Variants in DNAI7 observed in about 807,000 individuals in gnomAD.
DNAI7 encodes the protein dynein axonemal intermediate chain 7.
DNAI7 carries 78 observed loss-of-function variants against 86.6 expected under a neutral mutation model. The ratio of observed to expected loss-of-function variants is 0.90; its 90% CI spans 0.75 to 1.09. The LOEUF is 1.09. Among genes scored for constraint, DNAI7 ranks in the 50% least tolerant of loss-of-function variants. The pLI is 0.00. For missense variants in DNAI7, 753 were observed against 810.2 expected (o/e 0.93, Z 0.86); for synonymous variants, 274 against 273.0 (o/e 1.00, Z -0.04).
intron 9 of DNAI7, among the ~76,000 whole-genome samples, chr12:25,140,955 T>TG (rs892384612): frequency 6.6e-6 from 1 of 151,898 alleles, no homozygotes; most frequent in African/African-American, 2.4e-5. Flanking sequence ...AAACATAAAG[T>TG]GGGGGAAAGG....
At chr12:25,143,930 AAG>A (rs1944506164) in intron 9 of DNAI7, among the ~76,000 whole-genome samples, 1 of 152,232 alleles carries the variant, frequency 6.6e-6, no homozygotes, top group African/African-American at 2.4e-5. Flanking sequence ...ATTTTCAGAG[AAG>A]AGTGTAATAT....
chr12:25,154,892 T>C (rs1206936496), intron 5 of DNAI7, among the ~76,000 whole-genome samples: 1 of 152,216 alleles, frequency 6.6e-6, no homozygotes, highest in Admixed American at 6.5e-5. Flanking sequence ...TGTAATCATA[T>C]TGTACTGTAC....
chr12:25,183,356 T>C (rs1223307859), intron 2 of DNAI7, among the ~76,000 whole-genome samples: 2 of 151,846 alleles, frequency 1.3e-5, no homozygotes, highest in Non-Finnish European at 2.9e-5. Flanking sequence ...AACAAACCTG[T>C]ACGTGGGTAT....
chr12:25,148,247 C>T (rs922858156), intron 7 of DNAI7, among the ~76,000 whole-genome samples: 9 of 152,142 alleles, frequency 5.9e-5, no homozygotes, highest in South Asian at 2.1e-4. Context: ...TATTTTTGTA[C>T]ACTGGAAGGT....
chr12:25,110,912 G>C (rs1938686671), intron 14 of DNAI7, among the ~76,000 whole-genome samples: 1 of 152,002 alleles, frequency 6.6e-6, no homozygotes, highest in African/African-American at 2.4e-5. Context: ...AGCACACAGT[G>C]TTCAGAAAAA....
At chr12:25,130,590 A>G (rs1942785452) in intron 9 of DNAI7, among the ~76,000 whole-genome samples, 1 of 127,916 alleles carries the variant, frequency 7.8e-6, no homozygotes, top group Non-Finnish European at 1.7e-5. Flanking sequence ...ATAAAATAAA[A>G]TATTTATGTT....
chr12:25,142,580 G>GA (rs1396290764), intron 9 of DNAI7, among the ~76,000 whole-genome samples: 5 of 151,512 alleles, frequency 3.3e-5, no homozygotes, highest in African/African-American at 4.8e-5. Context: ...AGATGCATAA[G>GA]AAAAAAATGC....
rs182224529 is a variant in DNAI7, at chr12:25,118,531, G to A, written c.1396+614C>T. Among the ~76,000 whole-genome samples the A allele has an allele frequency of 3.9e-5, 6 of 152,222 alleles. No individual in the cohort carries two copies. The East Asian group carries it at 9.6e-4, about 24-fold the overall frequency. On this transcript the variant is annotated intron_variant, in intron 12 of 15. Coordinates refer to ENST00000395987, the MANE Select transcript of DNAI7 (RefSeq NM_018272.5). ...ATCTGCCTCGGCCTCCCAAAGTGCT[G>A]AGATTGCAGGCATGAGCCACCACGC...
At chr12:25,154,576 T>C in intron 5 of DNAI7, 120 bp from the exon 6 acceptor site, 1 of 929,044 alleles carries the variant, frequency 1.1e-6, no homozygotes, top group South Asian at 1.6e-5. Flanking sequence ...AAAAACATGA[T>C]GGCTTTAACC....
chr12:25,173,447 AAC>A, intron 2 of DNAI7, among the ~76,000 whole-genome samples: 1 of 152,190 alleles, frequency 6.6e-6, no homozygotes, highest in East Asian at 1.9e-4. Context: ...AATAAAAAGA[AAC>A]ACTAAATGTT....
Position 25,121,745 on chromosome 12 carries a change from C to A in DNAI7, c.1239+8G>T. 1 of 1,587,696 alleles carries A rather than the reference C, an allele frequency of 6.3e-7. No individual in the cohort carries two copies. Among genetic ancestry groups the A allele is most frequent in the South Asian group, 1.2e-5 (1 of 84,954 alleles). ...TACTTATAAGTTTTGATTCAAGAAT[C>A]AACCTACTTCCACAATCATCCATCC... is the stretch of plus-strand genomic sequence containing the variant. On this transcript the variant is annotated splice_region_variant and intron_variant, in intron 11 of 15. Transcript: ENST00000395987.
At chr12:25,166,932 AGCTGTAC>A (rs1404835225) in intron 2 of DNAI7, among the ~76,000 whole-genome samples, 1 of 152,032 alleles carries the variant, frequency 6.6e-6, no homozygotes, top group Non-Finnish European at 1.5e-5. Flanking sequence ...TGGCTCCTTC[AGCTGTAC>A]TCACTTCTTG....
At chr12:25,111,634 C>A in intron 14 of DNAI7, 138 bp downstream of exon 14, 1 of 364,368 alleles carries the variant, frequency 2.7e-6, no homozygotes, top group Non-Finnish European at 4.1e-6. Context: ...GATTTCTGGT[C>A]TTTTCACTTA....
Position 25,144,679 on chromosome 12 carries a change from T to C in DNAI7, c.690-2A>G, listed in dbSNP as rs1944605961. Reference sequence around the variant, plus strand: ...TCAGAGAATCTAACACTTCTGTGCCTGTTAATAATTAATTACAACAAAAAA... The same window carrying C: ...TCAGAGAATCTAACACTTCTGTGCCCGTTAATAATTAATTACAACAAAAAA... On this transcript the variant is annotated splice_acceptor_variant, in intron 8 of 15. Coordinates refer to ENST00000395987, the MANE Select transcript of DNAI7 (RefSeq NM_018272.5). LOFTEE classifies it high-confidence loss of function. 4 of 1,599,634 alleles carry C rather than the reference T, an allele frequency of 2.5e-6. No homozygotes were observed. Among genetic ancestry groups the C allele is most frequent in the Non-Finnish European group, 3.4e-6 (4 of 1,173,030 alleles).
rs374523475 is a variant in DNAI7, at chr12:25,140,797, C to T, written c.1002+3568G>A. On this transcript the variant is annotated intron_variant, in intron 9 of 15. Transcript: ENST00000395987. ...AACAAATCTGGAGGCATTGCATTAC[C>T]TGACTTCAAACTATACTATTAAGCT... Among the ~76,000 whole-genome samples, 11 of 152,256 alleles carry T rather than the reference C, an allele frequency of 7.2e-5. No individual in the cohort carries two copies. The East Asian group carries it at 1.7e-3, about 24-fold the overall frequency.
chr12:25,187,527 G>C (rs949401792), intron 2 of DNAI7, among the ~76,000 whole-genome samples: 1 of 152,128 alleles, frequency 6.6e-6, no homozygotes, highest in Non-Finnish European at 1.5e-5. Context: ...TCTTGCTGCT[G>C]TTCACTTAAT....
At position 25,127,068 on chromosome 12, in the gene DNAI7, A is replaced by T. The variant is rs138360382; in HGVS notation, c.1003-3782T>A. Among the ~76,000 whole-genome samples the T allele has an allele frequency of 3.7e-3, 559 of 150,528 alleles. 5 individuals carry two copies. Among genetic ancestry groups the T allele is most frequent in the African/African-American group, 0.012 (513 of 41,456 alleles). ...ATTGCCTTTACATAAGTCAATTTTT[A>T]AAAAAATTGTACTACTCTTTAGCTC... On this transcript the variant is annotated intron_variant, in intron 9 of 15. Coordinates refer to ENST00000395987, the MANE Select transcript of DNAI7 (RefSeq NM_018272.5).
Position 25,132,909 on chromosome 12 carries a change from G to A in DNAI7, c.1003-9623C>T, listed in dbSNP as rs531152218. Among the ~76,000 whole-genome samples the A allele has an allele frequency of 4.2e-4, 59 of 140,722 alleles. 1 individual carries two copies. The highest frequency in any genetic ancestry group is 7.8e-4 in the Non-Finnish European group (53 of 67,734). The allele number at this position is 140,722 out of a possible 152,430, so 92.3% of individuals were successfully genotyped here. A position where few individuals can be genotyped will look rare whatever the true frequency, so the allele number is the denominator to read the frequency against. ...TGGGGTATAACCCCTTGTCATGTACGTTGAAATATTTTTCTTAGTCTGTTA... is the reference window on the plus strand; with the variant it reads ...TGGGGTATAACCCCTTGTCATGTACATTGAAATATTTTTCTTAGTCTGTTA... On this transcript the variant is annotated intron_variant, in intron 9 of 15. Transcript: ENST00000395987.
Position 25,119,074 on chromosome 12 carries a change from A to G in DNAI7, c.1396+71T>C, listed in dbSNP as rs937954690. The G allele has an allele frequency of 3.1e-6, 4 of 1,279,926 alleles. No homozygotes were observed. The African/African-American group carries it at 6.0e-5, about 19-fold the overall frequency. 79.3% of individuals were successfully genotyped at this position (1,279,926 alleles called of 1,614,324 possible). A position where few individuals can be genotyped will look rare whatever the true frequency, so the allele number is the denominator to read the frequency against. On this transcript the variant is annotated intron_variant, in intron 12 of 15. Transcript: ENST00000395987. Reference sequence around the variant, plus strand: ...AGATAGTAAGCTCAGTTAATACACTACACTTTCTGTTTCAACTTAAGGGTT... The same window carrying G: ...AGATAGTAAGCTCAGTTAATACACTGCACTTTCTGTTTCAACTTAAGGGTT...
Sources: allele counts gnomAD v4.1 joint callset (sites outside exome capture counted in the v4.1 genomes callset), GRCh38; gene constraint gnomAD v4.1.1; transcripts MANE v1.5; gene names NCBI Gene and HGNC (gene_info 2026-07-23, HGNC 2026-07-21).